IMMP2L: variants seen among roughly 807,000 people sequenced by gnomAD.
IMMP2L encodes inner mitochondrial membrane peptidase subunit 2, also known as mitochondrial inner membrane protease subunit 2.
Under a neutral mutation model 19.3 loss-of-function variants are expected in IMMP2L, and 18 were observed. The observed-to-expected ratio is 0.93, with a 90% CI of 0.64 to 1.38. The LOEUF (loss-of-function observed/expected upper bound fraction) is 1.38. IMMP2L is among the 40% of genes most tolerant of loss of function. IMMP2L has a pLI of 0.00. For missense variants in IMMP2L, 233 were observed against 218.2 expected (o/e 1.07, Z -0.43); for synonymous variants, 76 against 73.0 (o/e 1.04, Z -0.21).
rs560235480 is a variant in IMMP2L, at chr7:110,888,683, G to A, written c.306-1988C>T. ...TGACAGTTACACGTTTCCTTGCACT[G>A]ACCGTCTTATCTGAAAAATTTAAAT... On this transcript the variant is annotated intron_variant, in intron 4 of 5. Coordinates refer to ENST00000405709, the MANE Select transcript of IMMP2L (RefSeq NM_032549.4). Among the ~76,000 whole-genome samples, 51 of 152,252 alleles carry A rather than the reference G, an allele frequency of 3.3e-4. 1 individual carries two copies. In the South Asian group the frequency reaches 0.01, roughly 31 times the overall value.
intron 5 of IMMP2L, among the ~76,000 whole-genome samples, chr7:110,740,632 G>C (rs1796932080): frequency 6.6e-6 from 1 of 152,066 alleles, no homozygotes; most frequent in Non-Finnish European, 1.5e-5. Context: ...AATTCTATCA[G>C]ACATTCAAAG....
chr7:111,262,459 G>T (rs927737506), intron 3 of IMMP2L, among the ~76,000 whole-genome samples: 1 of 152,022 alleles, frequency 6.6e-6, no homozygotes, highest in African/African-American at 2.4e-5. Flanking sequence ...TGCTGTGCTT[G>T]TATGAGTGGG....
rs1842383028 is a variant in IMMP2L at position 111,483,663 on chromosome 7, G to C, written c.239+3575C>G. ...TCCCATGCTTTAGGAAACAACACTGGTCAACCAACTCTGAACAAAACCCCT... is the reference window on the plus strand; with the variant it reads ...TCCCATGCTTTAGGAAACAACACTGCTCAACCAACTCTGAACAAAACCCCT... On this transcript the variant is annotated intron_variant, in intron 3 of 5. Coordinates refer to ENST00000405709, the MANE Select transcript of IMMP2L (RefSeq NM_032549.4). 1.3e-5 allele frequency: 2 copies of C among 152,072 alleles called. 1 individual carries two copies. The highest frequency in any genetic ancestry group is 4.1e-4 in the South Asian group (2 of 4,820). The allele number at this position is 152,072 out of a possible 1,614,324, so 9.4% of individuals were successfully genotyped here. A position where few individuals can be genotyped will look rare whatever the true frequency, so the allele number is the denominator to read the frequency against.
intron 3 of IMMP2L, among the ~76,000 whole-genome samples, chr7:111,331,881 G>A (rs928790858): frequency 6.6e-6 from 1 of 151,724 alleles, no homozygotes; most frequent in Non-Finnish European, 1.5e-5. Context: ...AGTTCTTAAG[G>A]AATCTACTAG....
At chr7:110,793,528 A>T (rs964377568) in intron 5 of IMMP2L, among the ~76,000 whole-genome samples, 1 of 152,150 alleles carries the variant, frequency 6.6e-6, no homozygotes, top group African/African-American at 2.4e-5. Flanking sequence ...AATAATAAAA[A>T]TTTTAAATTA....
intron 5 of IMMP2L, among the ~76,000 whole-genome samples, chr7:110,785,044 C>T (rs1396845039): frequency 6.6e-6 from 1 of 151,948 alleles, no homozygotes; most frequent in African/African-American, 2.4e-5. Context: ...ATTTTAACTT[C>T]TCATCAATAT....
intron 3 of IMMP2L, among the ~76,000 whole-genome samples, chr7:111,068,235 T>A (rs1794673175): frequency 6.6e-6 from 1 of 151,646 alleles, no homozygotes; most frequent in Admixed American, 6.6e-5. Flanking sequence ...GATGGCTAAA[T>A]TTATTTTGTG....
intron 3 of IMMP2L, among the ~76,000 whole-genome samples, chr7:111,221,652 T>C (rs1812532061): frequency 6.6e-6 from 1 of 151,978 alleles, no homozygotes; most frequent in Admixed American, 6.6e-5. Flanking sequence ...TAATTCCATG[T>C]TCACATGTGG....
intron 3 of IMMP2L, 56 bp from the exon 4 acceptor site, chr7:110,963,621 A>T: frequency 9.2e-7 from 1 of 1,085,194 alleles, no homozygotes; most frequent in Non-Finnish European, 1.4e-6. Context: ...TTTTAGGAAG[A>T]TGAAAAGAAA....
At chr7:111,510,175 G>T (rs909270349) in intron 2 of IMMP2L, among the ~76,000 whole-genome samples, 3 of 152,076 alleles carry the variant, frequency 2.0e-5, no homozygotes, top group African/African-American at 7.2e-5. Flanking sequence ...AGGAGAAAAG[G>T]TATAATAATG....
At chr7:111,010,505 G>C (rs1314882850) in intron 3 of IMMP2L, among the ~76,000 whole-genome samples, 1 of 152,040 alleles carries the variant, frequency 6.6e-6, no homozygotes, top group East Asian at 1.9e-4. Flanking sequence ...GGCAAACATG[G>C]ATAGTTTCCA....
intron 5 of IMMP2L, among the ~76,000 whole-genome samples, chr7:110,823,501 T>C (rs1168332153): frequency 6.6e-6 from 1 of 152,052 alleles, no homozygotes; most frequent in Non-Finnish European, 1.5e-5. Context: ...AATTCCATCA[T>C]TTATCTGACA....
chr7:111,266,657 T>C lies in IMMP2L; in HGVS notation c.239+220581A>G, dbSNP rs544876266. On this transcript the variant is annotated intron_variant, in intron 3 of 5. Transcript: ENST00000405709. ...AAGTGCATTTCCCTCATCTATAAAA[T>C]TGAGGCCTAACTGAACTTACATACA... Among the ~76,000 whole-genome samples, 9 of 152,088 alleles carry C rather than the reference T, an allele frequency of 5.9e-5. No homozygotes were observed. In the East Asian group the frequency reaches 1.2e-3, roughly 20 times the overall value.
chr7:111,493,097 T>C (rs1469347954), intron 2 of IMMP2L, among the ~76,000 whole-genome samples: 2 of 152,198 alleles, frequency 1.3e-5, no homozygotes, highest in African/African-American at 2.4e-5. Flanking sequence ...TTCTAGAATA[T>C]ACATTATCTA....
At position 110,819,207 on chromosome 7, in the gene IMMP2L, C is replaced by T. The variant is rs147353281; in HGVS notation, c.408+67386G>A. On this transcript the variant is annotated intron_variant, in intron 5 of 5. Transcript: ENST00000405709. ...TTTGGAACTTCCTTTGGAACTGTAA[C>T]TTAACTTGGGTGGAACCTTGCTGGA... is the stretch of plus-strand genomic sequence containing the variant. Among the ~76,000 whole-genome samples, 271 of 152,008 alleles carry T rather than the reference C, an allele frequency of 1.8e-3. 1 individual carries two copies. Among genetic ancestry groups the T allele is most frequent in the African/African-American group, 6.3e-3 (261 of 41,508 alleles).
intron 3 of IMMP2L, among the ~76,000 whole-genome samples, chr7:111,195,496 TCAATCATG>T (rs1809371427): frequency 1.3e-5 from 2 of 152,152 alleles, no homozygotes; most frequent in African/African-American, 4.8e-5. Context: ...GTGCAAAATT[TCAATCATG>T]TCTCTTTATC....
At chr7:110,919,150 C>T (rs1463792478) in intron 4 of IMMP2L, among the ~76,000 whole-genome samples, 2 of 152,178 alleles carry the variant, frequency 1.3e-5, no homozygotes, top group South Asian at 2.1e-4. Flanking sequence ...TTTCCATATA[C>T]TGACTTTTGC....
chr7:110,958,519 A>T (rs1471660869), intron 4 of IMMP2L, among the ~76,000 whole-genome samples: 1 of 152,056 alleles, frequency 6.6e-6, no homozygotes, highest in Non-Finnish European at 1.5e-5. Context: ...TTTTATTGAA[A>T]TGTTTTTAAA....
chr7:111,105,739 A>G (rs1169705542), intron 3 of IMMP2L, among the ~76,000 whole-genome samples: 6 of 151,888 alleles, frequency 4.0e-5, no homozygotes, highest in Admixed American at 6.6e-5. Flanking sequence ...GTGTACTAAC[A>G]ATTTATGCAA....
Sources: gnomAD v4.1 joint callset for allele counts (sites outside exome capture counted in the v4.1 genomes callset) on GRCh38, gnomAD v4.1.1 for gene constraint, MANE v1.5 for transcripts, NCBI Gene and HGNC (gene_info 2026-07-23, HGNC 2026-07-21) for gene names.